GPR174: variants seen among roughly 807,000 people sequenced by gnomAD.
GPR174 encodes probable G protein-coupled receptor 174.
In GPR174, 8 loss-of-function variants were observed where a neutral mutation model predicts 16.5. The ratio of observed to expected loss-of-function variants is 0.48; its 90% CI spans 0.28 to 0.87. The LOEUF (loss-of-function observed/expected upper bound fraction) is 0.87, where lower values mean the gene tolerates loss of function less well. GPR174 is among the 40% of genes least tolerant of loss of function. The pLI is 0.09. For missense variants in GPR174, 214 were observed against 247.5 expected, an observed-to-expected ratio of 0.86 and a Z score of 0.91; for synonymous variants, 111 against 94.8, an observed-to-expected ratio of 1.17 and a Z score of -0.99.
Position 79,171,701 on chromosome X carries a change from A to T in GPR174, c.694A>T (p.Ile232Phe), listed in dbSNP as rs1220070788. ...LGEKQKALKM[I>F]LTCAGVFLIC... ...AGAGAAACAGAAAGCCTTGAAGATG[A>T]TTCTAACCTGTGCAGGGGTATTCCT... Residue 232 changes from isoleucine (I) to phenylalanine (F), a missense_variant, in exon 3 of 3, where the codon ATT becomes TTT. Coordinates refer to ENST00000645147, the MANE Select transcript of GPR174 (RefSeq NM_032553.3). The T allele has an allele frequency of 1.7e-6, 2 of 1,211,471 alleles. No individual in the cohort carries two copies. The highest frequency in any genetic ancestry group is 2.2e-6 in the Non-Finnish European group (2 of 895,249).
intron 1 of GPR174, among the ~76,000 whole-genome samples, chrX:79,145,916 A>G (rs1926491702): frequency 8.9e-6 from 1 of 111,860 alleles, no homozygotes; most frequent in African/African-American, 3.2e-5. Flanking sequence ...TCTATTTACG[A>G]TAGTAAGTAA....
chrX:79,166,907 T>C (rs1429942420), intron 2 of GPR174, among the ~76,000 whole-genome samples: 7 of 111,692 alleles, frequency 6.3e-5, no homozygotes, highest in Non-Finnish European at 1.3e-4. Flanking sequence ...CACAATTTTC[T>C]GGAATGAATA....
chrX:79,162,920 G>A (rs1031851253), intron 2 of GPR174, among the ~76,000 whole-genome samples: 5 of 111,702 alleles, frequency 4.5e-5, no homozygotes, highest in African/African-American at 1.6e-4. Flanking sequence ...CTCCTATTAG[G>A]AATTTTCCCA....
At chrX:79,166,055 T>C (rs905530752) in intron 2 of GPR174, among the ~76,000 whole-genome samples, 10 of 111,065 alleles carry the variant, frequency 9.0e-5, no homozygotes, top group South Asian at 3.9e-4. Context: ...ACATACTAAC[T>C]TGTGATCTTC....
rs1247700703 is a variant in GPR174 at position 79,145,062 on chromosome X, CT to C, written c.-801del. ...TCTTTCTTTCTTTCTTTCTTTCTTT[CT>C]TTTTTTTCTCCTTTTGCTAGTGAAG... On this transcript the variant is annotated 5_prime_UTR_variant, in exon 1 of 3. Transcript: ENST00000645147. The C allele has an allele frequency of 1.8e-5, 1 of 55,735 alleles. No individual in the cohort carries two copies. The highest frequency in any genetic ancestry group is 7.2e-5 in the African/African-American group (1 of 13,812). The allele number at this position is 55,735 out of a possible 1,213,427, so 4.6% of individuals were successfully genotyped here.
At chrX:79,154,445 A>G (rs1173498294) in intron 1 of GPR174, among the ~76,000 whole-genome samples, 1 of 111,704 alleles carries the variant, frequency 9.0e-6, no homozygotes, top group East Asian at 2.8e-4. Context: ...GATGGGGAGT[A>G]GTCTGTGAGA....
At chrX:79,147,143 A>G (rs570663337) in intron 1 of GPR174, among the ~76,000 whole-genome samples, 2 of 111,531 alleles carry the variant, frequency 1.8e-5, no homozygotes, top group East Asian at 5.7e-4. Context: ...TGGGAAGTAA[A>G]GTAGGTTCAT....
In GPR174 at chrX:79,171,280, C is replaced by T. The variant is rs773061723; in HGVS notation, c.273C>T (p.Cys91=). 9 of 1,211,547 alleles carry T rather than the reference C, an allele frequency of 7.4e-6. No individual in the cohort carries two copies. In the South Asian group the frequency reaches 1.6e-4, roughly 21 times the overall value. The part of the protein sequence containing the change: ...NHDWPFGPGL[C]MFCFYLKYVN... Reference sequence around the variant, plus strand: ...ACTGGCCATTTGGGCCTGGTCTCTGCATGTTCTGTTTCTACCTGAAGTATG... The same window carrying T: ...ACTGGCCATTTGGGCCTGGTCTCTGTATGTTCTGTTTCTACCTGAAGTATG... Residue 91 remains cysteine (C), a synonymous_variant, in exon 3 of 3, where the codon TGC becomes TGT. Transcript: ENST00000645147.
rs1192295415 is a variant in GPR174 at position 79,172,311 on chromosome X, C to A, written c.*302C>A. 1 of 233,155 alleles carries A rather than the reference C, an allele frequency of 4.3e-6. No homozygotes were observed. Among genetic ancestry groups the A allele is most frequent in the East Asian group, 7.0e-5 (1 of 14,229 alleles). The allele number at this position is 233,155 out of a possible 1,213,427, so 19.2% of individuals were successfully genotyped here. On this transcript the variant is annotated 3_prime_UTR_variant, in exon 3 of 3. Transcript: ENST00000645147. ...TGTAGTCAGTACTTTTACCTGTGAACCTCAGGCACAAAAAGATTATTAGCT... is the reference window on the plus strand; with the variant it reads ...TGTAGTCAGTACTTTTACCTGTGAAACTCAGGCACAAAAAGATTATTAGCT...
intron 2 of GPR174, among the ~76,000 whole-genome samples, chrX:79,166,740 G>C (rs764591875): frequency 9.1e-6 from 1 of 110,467 alleles, no homozygotes; most frequent in Non-Finnish European, 1.9e-5. Context: ...CGGCCTAAAG[G>C]GTTCTTCTTA....
intron 1 of GPR174, among the ~76,000 whole-genome samples, chrX:79,154,599 C>T (rs896657493): frequency 3.6e-5 from 4 of 110,920 alleles, no homozygotes; most frequent in African/African-American, 1.3e-4. Flanking sequence ...CACAGGGATT[C>T]TTTGTATATT....
chrX:79,149,014 A>G (rs1399339646), intron 1 of GPR174, among the ~76,000 whole-genome samples: 1 of 112,058 alleles, frequency 8.9e-6, no homozygotes, highest in Admixed American at 9.5e-5. Flanking sequence ...AAAAATGAAT[A>G]ACATGTAGAA....
chrX:79,163,754 A>C (rs1249635999), intron 2 of GPR174, among the ~76,000 whole-genome samples: 1 of 111,972 alleles, frequency 8.9e-6, no homozygotes, highest in Admixed American at 9.5e-5. Context: ...AGTGAACACA[A>C]ATATGTAACA....
At position 79,174,189 on chromosome X, in the gene GPR174, A is replaced by G. The variant is rs1053331143; in HGVS notation, c.*2180A>G. ...ATTTGTTAGGCAGCCCATTTACATC[A>G]TTCCAAAAAAGGACCAGTATTCAGT... On this transcript the variant is annotated 3_prime_UTR_variant, in exon 3 of 3. Transcript: ENST00000645147. 4.6e-5 allele frequency: 5 copies of G among 109,671 alleles called. No individual in the cohort carries two copies. The highest frequency in any genetic ancestry group is 5.7e-5 in the Non-Finnish European group (3 of 52,638). 9.0% of individuals were successfully genotyped at this position (109,671 alleles called of 1,213,427 possible). A position where few individuals can be genotyped will look rare whatever the true frequency, so the allele number is the denominator to read the frequency against.
chrX:79,158,778 T>TAA (rs61641762), intron 2 of GPR174, among the ~76,000 whole-genome samples: 2 of 80,210 alleles, frequency 2.5e-5, no homozygotes, highest in African/African-American at 4.5e-5. Context: ...AGTTAATGAG[T>TAA]AAAAAAAAAA....
At chrX:79,166,660 A>G (rs1921379072) in intron 2 of GPR174, among the ~76,000 whole-genome samples, 1 of 108,394 alleles carries the variant, frequency 9.2e-6, no homozygotes. Context: ...GATGGTCTCA[A>G]TCCTGACCCC....
rs137871290 is a variant in GPR174, at chrX:79,171,377, T to C, written c.370T>C (p.Phe124Leu). 8.3e-7 allele frequency: 1 copy of C among 1,211,810 alleles called. No individual in the cohort carries two copies. Among genetic ancestry groups the C allele is most frequent in the African/African-American group, 1.7e-5 (1 of 57,796 alleles). ...ACGATTTTGGTTTCTCATGTACCCC[T>C]TTCGCTTCCATGACTGCAAACAGAA... The part of the protein sequence containing the change: ...VRRFWFLMYP[F>L]RFHDCKQKYD... The change falls in exon 3 of 3, where the codon TTT (phenylalanine) becomes CTT (leucine). Residue 124 changes from phenylalanine (F) to leucine (L), a missense_variant. Transcript: ENST00000645147.
chrX:79,149,405 AATACTTC>A (rs1388788555), intron 1 of GPR174, among the ~76,000 whole-genome samples: 2 of 111,781 alleles, frequency 1.8e-5, no homozygotes, highest in African/African-American at 3.3e-5. Flanking sequence ...CTGATTTTGT[AATACTTC>A]ATAAAACTAA....
chrX:79,145,853 A>G (rs530108702), intron 1 of GPR174, among the ~76,000 whole-genome samples: 9 of 111,901 alleles, frequency 8.0e-5, no homozygotes, highest in African/African-American at 2.9e-4. Flanking sequence ...AATGAGAGAA[A>G]GAGGAAATAA....
Sources: gnomAD v4.1 joint callset for allele counts (sites outside exome capture counted in the v4.1 genomes callset) on GRCh38, gnomAD v4.1.1 for gene constraint, MANE v1.5 for transcripts, NCBI Gene and HGNC (gene_info 2026-07-23, HGNC 2026-07-21) for gene names.